Variants in NEK11 observed in about 807,000 individuals in gnomAD.
NEK11 encodes the protein NIMA related kinase 11, also known as serine/threonine-protein kinase Nek11.
NEK11 carries 72 observed loss-of-function variants against 80.7 expected under a neutral mutation model. The ratio of observed to expected loss-of-function variants is 0.89; its 90% confidence interval spans 0.74 to 1.08. The LOEUF (loss-of-function observed/expected upper bound fraction) is 1.08. Ranked by LOEUF, NEK11 falls within the 50% of genes least tolerant of loss-of-function variation. The pLI, the probability that NEK11 is intolerant of heterozygous loss-of-function variation, is 0.00. For synonymous variants in NEK11, 251 were observed against 260.7 expected, an observed-to-expected ratio of 0.96 and a Z score of 0.36; for missense variants, 764 against 763.6, an observed-to-expected ratio of 1.00 and a Z score of -0.01.
intron 4 of NEK11, among the ~76,000 whole-genome samples, chr3:131,094,639 C>T (rs778465105): frequency 1.8e-4 from 27 of 152,132 alleles, no homozygotes; most frequent in Non-Finnish European, 2.1e-4. Context: ...TTCATGATAA[C>T]CTTTTAGCTA....
Position 131,349,967 on chromosome 3 carries a change from G to A in NEK11, c.*191G>A. ...TGGCTGCCTATGCTTGGAGTCATAA[G>A]TGTTATTTGGACTATACCCTGAGAT... On this transcript the variant is annotated 3_prime_UTR_variant, in exon 18 of 18. Coordinates refer to ENST00000383366, the MANE Select transcript of NEK11 (RefSeq NM_024800.5). 1.7e-6 allele frequency: 1 copy of A among 589,350 alleles called. No individual in the cohort carries two copies. Among genetic ancestry groups the A allele is most frequent in the South Asian group, 2.1e-5 (1 of 48,614 alleles). The allele number at this position is 589,350 out of a possible 1,614,324, so 36.5% of individuals were successfully genotyped here.
chr3:131,103,055 A>G (rs2078639524), intron 4 of NEK11, among the ~76,000 whole-genome samples: 2 of 152,018 alleles, frequency 1.3e-5, no homozygotes, highest in African/African-American at 2.4e-5. Flanking sequence ...TTCATCTTTC[A>G]GCTCTTAGAT....
chr3:131,344,259 G>C (rs1233149483), intron 17 of NEK11, among the ~76,000 whole-genome samples: 1 of 152,196 alleles, frequency 6.6e-6, no homozygotes, highest in African/African-American at 2.4e-5. Flanking sequence ...CTAGGGCATA[G>C]ACAGAATGCA....
At chr3:131,172,698 C>T (rs1011865131) in intron 14 of NEK11, among the ~76,000 whole-genome samples, 5 of 152,156 alleles carry the variant, frequency 3.3e-5, no homozygotes, top group Non-Finnish European at 7.3e-5. Context: ...AGAACCAGAG[C>T]GACTCCATCT....
chr3:131,085,925 GT>G (rs1305654055), intron 4 of NEK11, among the ~76,000 whole-genome samples: 1 of 151,868 alleles, frequency 6.6e-6, no homozygotes, highest in African/African-American at 2.4e-5. Context: ...TTCCTGCCTT[GT>G]TTTTTATGAA....
chr3:131,090,511 T>G (rs2076571910), intron 4 of NEK11, among the ~76,000 whole-genome samples: 1 of 152,214 alleles, frequency 6.6e-6, no homozygotes, highest in Non-Finnish European at 1.5e-5. Context: ...AGGACAAAGT[T>G]AAGAAAACAG....
At chr3:131,310,512 A>G (rs528518818) in intron 17 of NEK11, among the ~76,000 whole-genome samples, 1 of 152,248 alleles carries the variant, frequency 6.6e-6, no homozygotes, top group Non-Finnish European at 1.5e-5. Context: ...CTTAGCTATT[A>G]TCTTCTAAAG....
intron 16 of NEK11, among the ~76,000 whole-genome samples, chr3:131,250,619 A>G (rs918262144): frequency 6.6e-6 from 1 of 152,110 alleles, no homozygotes; most frequent in Non-Finnish European, 1.5e-5. Context: ...AGAGAGGTTA[A>G]GGGGATTCCC....
chr3:131,218,011 C>T (rs2094900141), intron 14 of NEK11, among the ~76,000 whole-genome samples: 1 of 152,136 alleles, frequency 6.6e-6, no homozygotes, highest in South Asian at 2.1e-4. Flanking sequence ...TTTAGCAGTG[C>T]CACAGATGTG....
rs752282281 is a variant in NEK11, at chr3:131,273,579, G to C, written c.1718+5G>C. 1.7e-5 allele frequency: 28 copies of C among 1,608,962 alleles called. No homozygotes were observed. In the South Asian group the frequency reaches 2.9e-4, roughly 16 times the overall value. On this transcript the variant is annotated splice_donor_5th_base_variant and intron_variant, in intron 17 of 17. Coordinates refer to ENST00000383366, the MANE Select transcript of NEK11 (RefSeq NM_024800.5). Reference sequence around the variant, plus strand: ...CAAGATGAAACGCATGAGGGAGTAAGTAGCATGTTGCCTGCCCCCTAGGAA... The same window carrying C: ...CAAGATGAAACGCATGAGGGAGTAACTAGCATGTTGCCTGCCCCCTAGGAA...
At chr3:131,079,398 G>T (rs1369976986) in intron 3 of NEK11, among the ~76,000 whole-genome samples, 1 of 152,178 alleles carries the variant, frequency 6.6e-6, no homozygotes, top group Admixed American at 6.6e-5. Flanking sequence ...CATTTTTATT[G>T]ATATGCATAA....
chr3:131,194,388 A>G (rs1418010182), intron 14 of NEK11, among the ~76,000 whole-genome samples: 3 of 152,180 alleles, frequency 2.0e-5, no homozygotes, highest in African/African-American at 7.2e-5. Context: ...TTCTATATAT[A>G]TGCACCTCTT....
chr3:131,161,549 G>A (rs2091584654), intron 10 of NEK11, among the ~76,000 whole-genome samples: 1 of 152,100 alleles, frequency 6.6e-6, no homozygotes, highest in Non-Finnish European at 1.5e-5. Flanking sequence ...GACAGAGCTG[G>A]AGGCCATTAT....
intron 15 of NEK11, among the ~76,000 whole-genome samples, chr3:131,230,666 A>G (rs575340890): frequency 6.6e-6 from 1 of 152,302 alleles, no homozygotes; most frequent in Admixed American, 6.5e-5. Flanking sequence ...GATGATAAAC[A>G]TAAGGGCAGC....
chr3:131,327,739 T>TAAC (rs2096992672), intron 17 of NEK11: 1 of 124,162 alleles, frequency 8.1e-6, no homozygotes, highest in East Asian at 2.3e-4. Context: ...GCCTGGTGGT[T>TAAC]AAAAAAAAAA....
At chr3:131,276,550 T>C (rs2096294812) in intron 17 of NEK11, among the ~76,000 whole-genome samples, 1 of 152,232 alleles carries the variant, frequency 6.6e-6, no homozygotes, top group African/African-American at 2.4e-5. Flanking sequence ...AGACTTCATC[T>C]GGATTTGCCA....
At chr3:131,328,996 C>G (rs1305296678) in intron 17 of NEK11, 1 of 152,226 alleles carries the variant, frequency 6.6e-6, no homozygotes, top group Non-Finnish European at 1.5e-5. Context: ...TTCATTTTCA[C>G]TCCAGATGGC....
At chr3:131,044,990 G>C (rs1282702437) in intron 3 of NEK11, among the ~76,000 whole-genome samples, 2 of 152,024 alleles carry the variant, frequency 1.3e-5, no homozygotes, top group African/African-American at 2.4e-5. Flanking sequence ...GCCCAATTAC[G>C]TGGAAACTGA....
intron 17 of NEK11, chr3:131,330,900 A>C (rs1688270893): frequency 7.0e-6 from 1 of 143,454 alleles, no homozygotes; most frequent in Middle Eastern, 3.2e-3. Context: ...TCGGAAGGGC[A>C]AGAGAGAGGG....
Sources: gnomAD v4.1 joint callset for allele counts (sites outside exome capture counted in the v4.1 genomes callset) on GRCh38, gnomAD v4.1.1 for gene constraint, MANE v1.5 for transcripts, NCBI Gene and HGNC (gene_info 2026-07-23, HGNC 2026-07-21) for gene names.